Variants in LYPD6B observed in about 807,000 individuals in gnomAD.
LYPD6B encodes the protein ly6/PLAUR domain-containing protein 6B.
In LYPD6B, 17 loss-of-function variants were observed where a neutral mutation model predicts 22.8. The observed-to-expected ratio is 0.75, with a 90% CI of 0.51 to 1.12. The LOEUF is 1.12. Ranked by LOEUF, LYPD6B falls within the 50% of genes most tolerant of loss-of-function variation. LYPD6B has a pLI of 0.00. For missense variants in LYPD6B, 221 were observed against 258.3 expected (o/e 0.86, Z 0.99); for synonymous variants, 106 against 91.6 (o/e 1.16, Z -0.90).
chr2:149,190,026 A>G (rs1692392103), intron 3 of LYPD6B, among the ~76,000 whole-genome samples: 1 of 152,190 alleles, frequency 6.6e-6, no homozygotes, highest in East Asian at 1.9e-4. Context: ...ATAAATCAAA[A>G]CAGTGAAATG....
chr2:149,121,877 A>C (rs757375360), intron 1 of LYPD6B, among the ~76,000 whole-genome samples: 1 of 152,082 alleles, frequency 6.6e-6, no homozygotes, highest in Non-Finnish European at 1.5e-5. Context: ...AACCCAACCA[A>C]AAGTCACCTG....
intron 1 of LYPD6B, among the ~76,000 whole-genome samples, chr2:149,123,285 A>G (rs1317686118): frequency 6.6e-6 from 1 of 152,110 alleles, no homozygotes; most frequent in Non-Finnish European, 1.5e-5. Flanking sequence ...TATTGGCTTT[A>G]TGGTTTTGGT....
chr2:149,200,968 C>A (rs1479153091), intron 3 of LYPD6B, among the ~76,000 whole-genome samples: 4 of 152,124 alleles, frequency 2.6e-5, no homozygotes, highest in Non-Finnish European at 5.9e-5. Flanking sequence ...TCTGACCAGG[C>A]CTACTATGTA....
chr2:149,042,500 C>T (rs1276591074), intron 1 of LYPD6B, among the ~76,000 whole-genome samples: 1 of 152,148 alleles, frequency 6.6e-6, no homozygotes, highest in African/African-American at 2.4e-5. Flanking sequence ...TTCCTGTTTT[C>T]AGCAACAATA....
At chr2:149,165,360 T>C (rs1200026723) in intron 3 of LYPD6B, among the ~76,000 whole-genome samples, 1 of 152,212 alleles carries the variant, frequency 6.6e-6, no homozygotes, top group Non-Finnish European at 1.5e-5. Flanking sequence ...TGCATGGCCA[T>C]TTTAAATTTA....
intron 1 of LYPD6B, among the ~76,000 whole-genome samples, chr2:149,093,159 C>T (rs996562724): frequency 6.6e-6 from 1 of 152,112 alleles, no homozygotes; most frequent in African/African-American, 2.4e-5. Flanking sequence ...AGACAGTTGC[C>T]AGGGAGAACA....
intron 2 of LYPD6B, among the ~76,000 whole-genome samples, chr2:149,147,618 A>G (rs1395995483): frequency 6.6e-6 from 1 of 151,946 alleles, no homozygotes; most frequent in Non-Finnish European, 1.5e-5. Flanking sequence ...GGTTCAAGTG[A>G]TTCTCCCCCT....
chr2:149,059,851 G>A (rs1278594624), intron 1 of LYPD6B, among the ~76,000 whole-genome samples: 2 of 152,196 alleles, frequency 1.3e-5, no homozygotes, highest in African/African-American at 4.8e-5. Flanking sequence ...GCACTTGCCT[G>A]GGGACAGGAA....
intron 2 of LYPD6B, among the ~76,000 whole-genome samples, chr2:149,144,689 A>G (rs4667322): frequency 0.5 from 76,270 of 151,692 alleles, 19,742 homozygotes; most frequent in South Asian, 0.69. Context: ...ATGGTGCCTG[A>G]CCAAGACTAG....
At chr2:149,154,475 T>G (rs1273083905) in intron 2 of LYPD6B, among the ~76,000 whole-genome samples, 2 of 82,482 alleles carry the variant, frequency 2.4e-5, no homozygotes, top group Admixed American at 2.5e-4. Flanking sequence ...TTATGTTGTT[T>G]TAAGCCACCA....
At chr2:149,055,564 T>A (rs753955319) in intron 1 of LYPD6B, among the ~76,000 whole-genome samples, 3 of 152,236 alleles carry the variant, frequency 2.0e-5, no homozygotes, top group Non-Finnish European at 4.4e-5. Context: ...CTTTCAATGA[T>A]GTTTTATAAT....
chr2:149,085,094 C>T (rs374930098), intron 1 of LYPD6B, among the ~76,000 whole-genome samples: 25 of 152,338 alleles, frequency 1.6e-4, no homozygotes, highest in African/African-American at 6.0e-4. Flanking sequence ...GTGCATTGAT[C>T]CTCTTGGCCA....
intron 2 of LYPD6B, among the ~76,000 whole-genome samples, chr2:149,141,564 T>A (rs1688694936): frequency 6.6e-6 from 1 of 152,238 alleles, no homozygotes; most frequent in African/African-American, 2.4e-5. Flanking sequence ...TCTGCCTTGT[T>A]ATTTTGTATT....
At chr2:149,147,795 T>C (rs1689120045) in intron 2 of LYPD6B, among the ~76,000 whole-genome samples, 1 of 152,104 alleles carries the variant, frequency 6.6e-6, no homozygotes, top group African/African-American at 2.4e-5. Flanking sequence ...ATTATAGGTG[T>C]GAGCCACTGC....
chr2:149,168,211 CAAAAAAAAA>C (rs386391472), intron 3 of LYPD6B, among the ~76,000 whole-genome samples: 1 of 48,488 alleles, frequency 2.1e-5, no homozygotes, highest in South Asian at 8.2e-4. Flanking sequence ...GGCTCTGTCT[CAAAAAAAAA>C]AAAAAAAAAA....
chr2:149,107,814 G>C (rs948783372), intron 1 of LYPD6B, among the ~76,000 whole-genome samples: 3 of 152,144 alleles, frequency 2.0e-5, no homozygotes, highest in Non-Finnish European at 2.9e-5. Flanking sequence ...CTGTCCACTT[G>C]TGTGTAAAAA....
At chr2:149,124,011 T>C (rs7581041) in intron 1 of LYPD6B, among the ~76,000 whole-genome samples, 79,818 of 152,064 alleles carry the variant, frequency 0.52, 21,263 homozygotes, top group East Asian at 0.85. Context: ...CCGGGCTCCT[T>C]TGCTGTATGC....
chr2:149,168,171 C>T (rs892753308), intron 3 of LYPD6B, among the ~76,000 whole-genome samples: 2 of 142,840 alleles, frequency 1.4e-5, no homozygotes, highest in Non-Finnish European at 3.0e-5. Context: ...GAGATTGCAC[C>T]ACTGCACTGT....
chr2:149,183,287 C>G (rs775056309), intron 3 of LYPD6B, among the ~76,000 whole-genome samples: 8 of 152,076 alleles, frequency 5.3e-5, no homozygotes, highest in Non-Finnish European at 1.2e-4. Context: ...GGAGATTGCC[C>G]AATTCCTAGT....
Sources: gnomAD v4.1 joint callset for allele counts (sites outside exome capture counted in the v4.1 genomes callset) on GRCh38, gnomAD v4.1.1 for gene constraint, MANE v1.5 for transcripts, NCBI Gene and HGNC (gene_info 2026-07-23, HGNC 2026-07-21) for gene names.